The following ROBO2 variants were observed in gnomAD, a reference collection of about 807,000 sequenced individuals.
ROBO2 encodes the protein roundabout homolog 2.
In ROBO2, 53 loss-of-function variants were observed where a neutral mutation model predicts 160.8. The ratio of observed to expected loss-of-function variants is 0.33; its 90% CI spans 0.26 to 0.41. The LOEUF is 0.41. Among genes scored for constraint, ROBO2 ranks in the 10% least tolerant of loss-of-function variants. ROBO2 has a pLI of 1.00. For missense variants in ROBO2, 1,577 were observed against 1,722.4 expected, an observed-to-expected ratio of 0.92 and a Z score of 1.49; for synonymous variants, 664 against 611.7, an observed-to-expected ratio of 1.09 and a Z score of -1.26.
chr3:76,413,329 T>G (rs1012652545), intron 2 of ROBO2, among the ~76,000 whole-genome samples: 5 of 152,214 alleles, frequency 3.3e-5, no homozygotes, highest in African/African-American at 1.2e-4. Context: ...TGCTATGGAC[T>G]CCTGCTACTT....
intron 2 of ROBO2, among the ~76,000 whole-genome samples, chr3:76,382,149 G>T (rs2076659766): frequency 6.6e-6 from 1 of 152,050 alleles, no homozygotes; most frequent in South Asian, 2.1e-4. Context: ...CGTATTTTTG[G>T]TAGAAACGAG....
intron 2 of ROBO2, among the ~76,000 whole-genome samples, chr3:76,191,135 T>C (rs1251292790): frequency 6.6e-6 from 1 of 152,094 alleles, no homozygotes; most frequent in Non-Finnish European, 1.5e-5. Context: ...GCAAGGAGAA[T>C]CTATAAGTGC....
intron 2 of ROBO2, among the ~76,000 whole-genome samples, chr3:76,952,627 G>T (rs931901618): frequency 2.0e-5 from 3 of 151,924 alleles, no homozygotes. Context: ...CTTTTGCACA[G>T]TCATGCAATT....
intron 2 of ROBO2, among the ~76,000 whole-genome samples, chr3:76,045,841 T>C (rs73841085): frequency 0.021 from 3,157 of 152,154 alleles, 69 homozygotes; most frequent in East Asian, 0.08. Flanking sequence ...CTCTTCTTTC[T>C]TAAGGCTTGA....
intron 2 of ROBO2, among the ~76,000 whole-genome samples, chr3:76,490,642 A>G (rs1207186568): frequency 6.6e-6 from 1 of 152,158 alleles, no homozygotes; most frequent in Non-Finnish European, 1.5e-5. Context: ...TGGAAAAAGG[A>G]CACACATTTT....
chr3:77,453,343 G>A (rs933756459), intron 2 of ROBO2, among the ~76,000 whole-genome samples: 29 of 150,900 alleles, frequency 1.9e-4, no homozygotes, highest in Admixed American at 9.9e-4. Context: ...CCATCTACTT[G>A]GATTGATTCC....
intron 2 of ROBO2, among the ~76,000 whole-genome samples, chr3:76,011,099 A>G (rs777765242): frequency 2.6e-5 from 4 of 152,174 alleles, no homozygotes; most frequent in Admixed American, 1.3e-4. Flanking sequence ...TGTTAGCTAT[A>G]AAATAGACTC....
chr3:75,937,773 T>C (rs145511440), intron 2 of ROBO2, among the ~76,000 whole-genome samples: 33 of 150,282 alleles, frequency 2.2e-4, no homozygotes, highest in Non-Finnish European at 7.4e-5. Flanking sequence ...AATAGAATTA[T>C]GTGTGAGTAA....
intron 2 of ROBO2, among the ~76,000 whole-genome samples, chr3:76,379,712 C>T (rs1043648240): frequency 2.6e-5 from 4 of 151,944 alleles, no homozygotes; most frequent in African/African-American, 9.7e-5. Flanking sequence ...TATGACAAAA[C>T]TTTAAAAAAA....
intron 2 of ROBO2, among the ~76,000 whole-genome samples, chr3:77,209,905 G>C (rs910289038): frequency 2.8e-4 from 43 of 152,212 alleles, no homozygotes; most frequent in African/African-American, 1.0e-3. Context: ...AAATCACCCA[G>C]GTGATTCTAA....
intron 8 of ROBO2, among the ~76,000 whole-genome samples, chr3:77,551,947 GAATA>G (rs1006216985): frequency 1.3e-5 from 2 of 151,948 alleles, no homozygotes; most frequent in Non-Finnish European, 2.9e-5. Flanking sequence ...TCAGGAATGG[GAATA>G]AATAGAACAG....
At chr3:75,984,546 T>A (rs1009801709) in intron 2 of ROBO2, among the ~76,000 whole-genome samples, 1 of 151,510 alleles carries the variant, frequency 6.6e-6, no homozygotes, top group Non-Finnish European at 1.5e-5. Flanking sequence ...AGCATAAATT[T>A]AAATTTTTAT....
intron 2 of ROBO2, among the ~76,000 whole-genome samples, chr3:76,648,279 T>A (rs1277914180): frequency 1.3e-5 from 2 of 152,216 alleles, no homozygotes; most frequent in African/African-American, 2.4e-5. Flanking sequence ...AAGATATAAA[T>A]TTTCCTATGA....
At chr3:76,579,368 T>C (rs930130885) in intron 2 of ROBO2, among the ~76,000 whole-genome samples, 1 of 152,242 alleles carries the variant, frequency 6.6e-6, no homozygotes, top group Non-Finnish European at 1.5e-5. Context: ...CAGCTATGTT[T>C]ATTTATGCTT....
intron 1 of ROBO2, among the ~76,000 whole-genome samples, chr3:75,913,481 G>A (rs1169640676): frequency 6.6e-6 from 1 of 152,174 alleles, no homozygotes; most frequent in Non-Finnish European, 1.5e-5. Context: ...GAAAAATAAT[G>A]TATCTGTGGG....
intron 2 of ROBO2, among the ~76,000 whole-genome samples, chr3:77,350,252 A>C (rs1157086133): frequency 1.3e-5 from 2 of 151,812 alleles, no homozygotes; most frequent in African/African-American, 4.8e-5. Flanking sequence ...TAATTTTGGG[A>C]GGCTGAGGTG....
intron 2 of ROBO2, among the ~76,000 whole-genome samples, chr3:76,274,946 T>G (rs1707834059): frequency 6.6e-6 from 1 of 152,120 alleles, no homozygotes; most frequent in African/African-American, 2.4e-5. Context: ...GAATATAATA[T>G]TTTATGCAGA....
chr3:77,172,250 G>A (rs2079708989), intron 2 of ROBO2, among the ~76,000 whole-genome samples: 1 of 152,104 alleles, frequency 6.6e-6, no homozygotes, highest in East Asian at 1.9e-4. Context: ...CTACTCAAAT[G>A]CCTAATGAGG....
intron 2 of ROBO2, among the ~76,000 whole-genome samples, chr3:76,354,780 A>G (rs527649661): frequency 6.6e-6 from 1 of 151,964 alleles, no homozygotes; most frequent in Admixed American, 6.6e-5. Context: ...ACTGCTGGGT[A>G]TAAGTAGAGG....
Sources: allele counts gnomAD v4.1 joint callset (sites outside exome capture counted in the v4.1 genomes callset), GRCh38; gene constraint gnomAD v4.1.1; transcripts MANE v1.5; gene names NCBI Gene and HGNC (gene_info 2026-07-23, HGNC 2026-07-21).